The following AKAP6 variants were observed in gnomAD, a reference collection of about 807,000 sequenced individuals.
AKAP6 encodes the protein A-kinase anchor protein 6.
A neutral mutation model predicts 188.5 loss-of-function variants in AKAP6; 58 were observed. The ratio of observed to expected loss-of-function variants is 0.31; its 90% confidence interval spans 0.25 to 0.38. The LOEUF is 0.38. Ranked by LOEUF, AKAP6 falls within the 10% of genes least tolerant of loss-of-function variation. The pLI is 1.00. For missense variants in AKAP6, 2,710 were observed against 2,740.0 expected (o/e 0.99, Z 0.24); for synonymous variants, 989 against 998.6 (o/e 0.99, Z 0.18).
chr14:32,702,366 G>T (rs546168091), intron 9 of AKAP6, among the ~76,000 whole-genome samples: 8 of 151,756 alleles, frequency 5.3e-5, no homozygotes, highest in Admixed American at 2.0e-4. Flanking sequence ...GAGCTTTGAT[G>T]AATCAGTGTT....
chr14:32,627,025 G>T lies in AKAP6; in HGVS notation c.2730+26233G>T, dbSNP rs182318537. On this transcript the variant is annotated intron_variant, in intron 7 of 13. Transcript: ENST00000280979. Reference sequence around the variant, plus strand: ...AATTTCCCTACATTTGTGGCTTTATGAACATGGTTATAGATATAAACATAC... The same window carrying T: ...AATTTCCCTACATTTGTGGCTTTATTAACATGGTTATAGATATAAACATAC... 3.4e-4 allele frequency among the ~76,000 whole-genome samples: 52 copies of T among 152,164 alleles called. 1 individual carries two copies. The highest frequency in any genetic ancestry group is 1.2e-3 in the African/African-American group (50 of 41,534).
intron 4 of AKAP6, among the ~76,000 whole-genome samples, chr14:32,576,352 G>A (rs761980601): frequency 6.6e-6 from 1 of 151,946 alleles, no homozygotes; most frequent in African/African-American, 2.4e-5. Flanking sequence ...TTTGCAGTTG[G>A]GCTTTCATAT....
At chr14:32,663,889 A>AG (rs1013699543) in intron 7 of AKAP6, among the ~76,000 whole-genome samples, 10 of 152,140 alleles carry the variant, frequency 6.6e-5, no homozygotes, top group Middle Eastern at 3.4e-3. Flanking sequence ...TTCCTACATA[A>AG]GGGGGGGAAA....
intron 1 of AKAP6, among the ~76,000 whole-genome samples, chr14:32,422,018 T>C (rs1889866508): frequency 6.6e-6 from 1 of 152,204 alleles, no homozygotes; most frequent in Admixed American, 6.5e-5. Flanking sequence ...TCATTCTTTC[T>C]AGGTAATAAA....
chr14:32,420,987 A>G (rs546468411), intron 1 of AKAP6, among the ~76,000 whole-genome samples: 17 of 151,026 alleles, frequency 1.1e-4, no homozygotes, highest in African/African-American at 3.4e-4. Context: ...TTATTAGTCT[A>G]TATTATTCTT....
intron 9 of AKAP6, among the ~76,000 whole-genome samples, chr14:32,712,127 A>T (rs921393240): frequency 1.3e-5 from 2 of 152,072 alleles, no homozygotes; most frequent in African/African-American, 4.8e-5. Context: ...TAATAAGGCA[A>T]ATATCATAAT....
Position 32,678,423 on chromosome 14 carries a change from C to T in AKAP6, c.2843C>T (p.Ala948Val). 6.2e-7 allele frequency: 1 copy of T among 1,613,890 alleles called. No homozygotes were observed. Among genetic ancestry groups the T allele is most frequent in the Non-Finnish European group, 8.5e-7 (1 of 1,179,850 alleles). The stretch of plus-strand genomic sequence containing the variant: ...AGCAGCAAGCGAAAGGAAGAGTTTG[C>T]TGATATGTCAAAAGTTCATTCAGTG... ...TSSSKRKEEFADMSKVHSVGS... is the reference protein window; with the variant it reads ...TSSSKRKEEFVDMSKVHSVGS... Residue 948 changes from alanine (A) to valine (V), a missense_variant, in exon 8 of 14, where the codon GCT (alanine) becomes GTT (valine). This residue lies in a region of AKAP6 where 2,473 missense variants were observed against 2,426.1 expected (regional missense o/e 1.02). Coordinates refer to ENST00000280979, the MANE Select transcript of AKAP6 (RefSeq NM_004274.5).
rs547058335 is a variant in AKAP6 at position 32,427,290 on chromosome 14, T to C, written c.-34-6170T>C. ...TACTCTGCGTGAGTGCTGGAGGGCA[T>C]TGGGGTGGGCAGGGAAAGAGAGCAA... is the stretch of plus-strand genomic sequence containing the variant. On this transcript the variant is annotated intron_variant, in intron 1 of 13. Coordinates refer to ENST00000280979, the MANE Select transcript of AKAP6 (RefSeq NM_004274.5). Among the ~76,000 whole-genome samples the C allele has an allele frequency of 2.1e-3, 320 of 152,274 alleles. 1 individual carries two copies. Among genetic ancestry groups the C allele is most frequent in the South Asian group, 7.9e-3 (38 of 4,826 alleles).
chr14:32,600,972 C>T (rs549676574), intron 7 of AKAP6, among the ~76,000 whole-genome samples, 180 bp downstream of exon 7: 2 of 152,236 alleles, frequency 1.3e-5, no homozygotes, highest in East Asian at 3.9e-4. Flanking sequence ...AAGCCTTCAA[C>T]TTCCAAGTTT....
intron 11 of AKAP6, among the ~76,000 whole-genome samples, chr14:32,769,291 G>A (rs975892019): frequency 4.6e-5 from 7 of 151,650 alleles, no homozygotes; most frequent in East Asian, 1.9e-4. Context: ...CAAGTGATCC[G>A]CCTGCCTCCT....
At chr14:32,368,241 C>A (rs1375294600) in intron 1 of AKAP6, among the ~76,000 whole-genome samples, 1 of 152,162 alleles carries the variant, frequency 6.6e-6, no homozygotes, top group African/African-American at 2.4e-5. Flanking sequence ...GGAGGAATAT[C>A]ATCCCATTTC....
Position 32,546,763 on chromosome 14 carries a change from A to G in AKAP6, c.2110A>G (p.Ile704Val), listed in dbSNP as rs965954122. The G allele has an allele frequency of 1.2e-6, 2 of 1,614,158 alleles. No individual in the cohort carries two copies. The highest frequency in any genetic ancestry group is 1.1e-5 in the South Asian group (1 of 91,084). The change falls in exon 4 of 14, where the codon ATA becomes GTA. Residue 704 changes from isoleucine to valine, a missense_variant. Physicochemically the swap from Ile to Val is conservative, Grantham distance 29. Around this residue, in one of 2 missense-constraint regions of AKAP6, gnomAD observed 2,473 missense variants for 2,426.1 expected, o/e 1.02. Transcript: ENST00000280979. ...GGTGTCTCCAAGCTCATCTAGTGAC[A>G]TAGCCTCTTCACTAGGGGAGAGCAT... ...GRVSPSSSSD[I>V]ASSLGESIES...
chr14:32,773,752 T>C lies in AKAP6; in HGVS notation c.3447T>C (p.Asp1149=), dbSNP rs575731491. 1.2e-6 allele frequency: 2 copies of C among 1,614,162 alleles called. No homozygotes were observed. The highest frequency in any genetic ancestry group is 2.2e-5 in the East Asian group (1 of 44,886). ...SILRLCQHLL[D]DRETCNLNAD... is the part of the protein sequence containing the mutation. ...TGCGACTATGCCAGCATCTTTTGGA[T>C]GACCGGGAGACTTGCAATCTGAATG... Residue 1149 remains aspartate (D), a synonymous_variant, in exon 12 of 14, where the codon GAT becomes GAC. Coordinates refer to ENST00000280979, the MANE Select transcript of AKAP6 (RefSeq NM_004274.5).
chr14:32,396,046 G>A (rs1888868379), intron 1 of AKAP6, among the ~76,000 whole-genome samples: 2 of 151,624 alleles, frequency 1.3e-5, no homozygotes, highest in Admixed American at 1.3e-4. Flanking sequence ...GCTATAATGT[G>A]TATATATATA....
intron 7 of AKAP6, among the ~76,000 whole-genome samples, chr14:32,631,642 T>C (rs1887278287): frequency 6.6e-6 from 1 of 151,098 alleles, no homozygotes; most frequent in Admixed American, 6.6e-5. Context: ...CCCAGCACTA[T>C]AGCATTTTAC....
chr14:32,339,701 T>C (rs1886831317), intron 1 of AKAP6, among the ~76,000 whole-genome samples: 1 of 152,150 alleles, frequency 6.6e-6, no homozygotes, highest in Non-Finnish European at 1.5e-5. Flanking sequence ...GGGAGAGTGA[T>C]AAGCCATGAC....
At chr14:32,671,637 T>C (rs955742410) in intron 7 of AKAP6, among the ~76,000 whole-genome samples, 1 of 151,858 alleles carries the variant, frequency 6.6e-6, no homozygotes, top group African/African-American at 2.4e-5. Flanking sequence ...CAGGGAAGTC[T>C]GGTACCAAAA....
At position 32,773,693 on chromosome 14, in the gene AKAP6, A is replaced by G. The variant is rs754520238; in HGVS notation, c.3388A>G (p.Ile1130Val). 6.2e-7 allele frequency: 1 copy of G among 1,614,024 alleles called. No individual in the cohort carries two copies. Among genetic ancestry groups the G allele is most frequent in the Non-Finnish European group, 8.5e-7 (1 of 1,179,928 alleles). Reference sequence around the variant, plus strand: ...TATGTTGCAGTCCCTCTGTCGTGAAATCAAGCAACGACGTCGAGGAGTTGC... The same window carrying G: ...TATGTTGCAGTCCCTCTGTCGTGAAGTCAAGCAACGACGTCGAGGAGTTGC... The part of the protein sequence containing the change: ...LQYFKSLCRE[I>V]KQRRRGVASI... The change falls in exon 12 of 14, where the codon ATC (isoleucine) becomes GTC (valine). Residue 1130 changes from isoleucine (I) to valine (V), a missense_variant. By Grantham distance (29) the Ile-to-Val change is conservative. This residue lies in a region of AKAP6 where 2,473 missense variants were observed against 2,426.1 expected (regional missense o/e 1.02). Transcript: ENST00000280979.
At position 32,669,496 on chromosome 14, in the gene AKAP6, A is replaced by G. The variant is rs567426615; in HGVS notation, c.2731-8815A>G. 2.0e-5 allele frequency among the ~76,000 whole-genome samples: 3 copies of G among 152,330 alleles called. No individual in the cohort carries two copies. In the South Asian group the frequency reaches 6.2e-4, roughly 32 times the overall value. ...AAATTATGAACCACCAACAATGACA[A>G]CAAAAGCAAAAACACACAAAATAAA... On this transcript the variant is annotated intron_variant, in intron 7 of 13. Coordinates refer to ENST00000280979, the MANE Select transcript of AKAP6 (RefSeq NM_004274.5).
Sources: allele counts gnomAD v4.1 joint callset (sites outside exome capture counted in the v4.1 genomes callset), GRCh38; gene constraint gnomAD v4.1.1; regional missense constraint gnomAD v4.1.1; transcripts MANE v1.5; gene names NCBI Gene and HGNC (gene_info 2026-07-23, HGNC 2026-07-21).